PPP2R5E: variants seen among roughly 807,000 people sequenced by gnomAD.
PPP2R5E encodes the protein serine/threonine-protein phosphatase 2A 56 kDa regulatory subunit epsilon isoform.
Under a neutral mutation model 65.3 loss-of-function variants are expected in PPP2R5E, and 4 were observed. The ratio of observed to expected loss-of-function variants is 0.06; its 90% CI spans 0.03 to 0.14. The LOEUF (loss-of-function observed/expected upper bound fraction) is 0.14. Among genes scored for constraint, PPP2R5E ranks in the 10% least tolerant of loss-of-function variants. The probability of loss-of-function intolerance (pLI) is 1.00; values close to 1 mark genes in which losing one functional copy is unlikely to be tolerated. For missense variants in PPP2R5E, 274 were observed against 556.1 expected (o/e 0.49, Z 5.10); for synonymous variants, 183 against 187.4 (o/e 0.98, Z 0.19).
chr14:63,401,721 A>G lies in PPP2R5E; in HGVS notation c.550-5005T>C, dbSNP rs568294926. Among the ~76,000 whole-genome samples the G allele has an allele frequency of 2.0e-5, 3 of 152,278 alleles. No homozygotes were observed. The South Asian group carries it at 6.2e-4, about 32-fold the overall frequency. ...AGCCTTGGCATAGACAGGACTGGAG[A>G]GAAAATTTAGACTTATTTGTAGACT... On this transcript the variant is annotated intron_variant, in intron 5 of 13. Coordinates refer to ENST00000337537, the MANE Select transcript of PPP2R5E (RefSeq NM_006246.5).
At chr14:63,533,115 G>T (rs553818264) in intron 2 of PPP2R5E, among the ~76,000 whole-genome samples, 28 of 152,232 alleles carry the variant, frequency 1.8e-4, no homozygotes, top group African/African-American at 6.7e-4. Flanking sequence ...GATTAAAGGT[G>T]TGAGTTATTT....
At chr14:63,399,051 A>C (rs138402727) in intron 5 of PPP2R5E, among the ~76,000 whole-genome samples, 1,907 of 152,358 alleles carry the variant, frequency 0.013, 19 homozygotes, top group Middle Eastern at 0.02. Flanking sequence ...ACATGTCCAC[A>C]CAAAAACTTG....
At chr14:63,494,824 G>C (rs1410142597) in intron 2 of PPP2R5E, among the ~76,000 whole-genome samples, 1 of 151,942 alleles carries the variant, frequency 6.6e-6, no homozygotes, top group African/African-American at 2.4e-5. Flanking sequence ...TTGAGCCCAG[G>C]GGGCGGAGGC....
intron 3 of PPP2R5E, among the ~76,000 whole-genome samples, chr14:63,430,389 A>ACATGCATG (rs1427187078): frequency 0.013 from 1,897 of 142,528 alleles, 47 homozygotes; most frequent in African/African-American, 0.052. Context: ...ATACATACAT[A>ACATGCATG]CATACATACA....
intron 2 of PPP2R5E, among the ~76,000 whole-genome samples, chr14:63,454,829 A>G (rs1045580237): frequency 1.3e-5 from 2 of 152,204 alleles, no homozygotes; most frequent in Admixed American, 1.3e-4. Context: ...GGTAGGCTCT[A>G]CTGCCTTCAT....
chr14:63,413,498 C>A (rs1271590551), intron 5 of PPP2R5E, among the ~76,000 whole-genome samples: 1 of 152,140 alleles, frequency 6.6e-6, no homozygotes, highest in Non-Finnish European at 1.5e-5. Flanking sequence ...TGTGCTTGAG[C>A]AAACTTGATA....
chr14:63,416,979 C>T (rs185393430), intron 4 of PPP2R5E, among the ~76,000 whole-genome samples: 129 of 152,270 alleles, frequency 8.5e-4, no homozygotes, highest in South Asian at 3.1e-3. Context: ...TTCTTTGATG[C>T]TACACTAAAT....
At position 63,514,477 on chromosome 14, in the gene PPP2R5E, C is replaced by T. The variant is rs147792126; in HGVS notation, c.157+25052G>A. 5.9e-3 allele frequency among the ~76,000 whole-genome samples: 868 copies of T among 147,256 alleles called. 6 individuals carry two copies. Among genetic ancestry groups the T allele is most frequent in the Non-Finnish European group, 7.1e-3 (478 of 67,066 alleles). On this transcript the variant is annotated intron_variant, in intron 2 of 13. Transcript: ENST00000337537. Reference sequence around the variant, plus strand: ...CTTTAAAACTATGTTTATTATACTACATTACACAAAAACTCTCTTCATTAA... The same window carrying T: ...CTTTAAAACTATGTTTATTATACTATATTACACAAAAACTCTCTTCATTAA...
At position 63,397,458 on chromosome 14, in the gene PPP2R5E, C is replaced by T. The variant is rs528110886; in HGVS notation, c.550-742G>A. Among the ~76,000 whole-genome samples the T allele has an allele frequency of 7.4e-4, 104 of 140,858 alleles. 1 individual carries two copies. Among genetic ancestry groups the T allele is most frequent in the Middle Eastern group, 3.9e-3 (1 of 256 alleles). 92.4% of individuals were successfully genotyped at this position (140,858 alleles called of 152,430 possible). A position where few individuals can be genotyped will look rare whatever the true frequency, so the allele number is the denominator to read the frequency against. ...CAGAGGTTACAGTGAGCTGCGATCG[C>T]GCCATTGCACTCCAGCCTGGGCCAT... On this transcript the variant is annotated intron_variant, in intron 5 of 13. Transcript: ENST00000337537.
At chr14:63,399,805 T>A (rs902586011) in intron 5 of PPP2R5E, among the ~76,000 whole-genome samples, 2 of 151,916 alleles carry the variant, frequency 1.3e-5, no homozygotes, top group Non-Finnish European at 2.9e-5. Context: ...CAGCAAAACA[T>A]TTCAAGAGCA....
chr14:63,430,840 C>T (rs1029736443), intron 3 of PPP2R5E, among the ~76,000 whole-genome samples: 29 of 152,206 alleles, frequency 1.9e-4, no homozygotes, highest in African/African-American at 6.5e-4. Flanking sequence ...TTAATTACCA[C>T]AATAAATCTA....
chr14:63,491,631 T>A lies in PPP2R5E; in HGVS notation c.158-37746A>T, dbSNP rs535056853. Among the ~76,000 whole-genome samples, 3 of 152,218 alleles carry A rather than the reference T, an allele frequency of 2.0e-5. No individual in the cohort carries two copies. In the South Asian group the frequency reaches 6.2e-4, roughly 32 times the overall value. Reference sequence around the variant, plus strand: ...GGGAGGCCAAGGTGGGCAGATCACCTGAGGTCAGGAGATCGACACCAGCCT... The same window carrying A: ...GGGAGGCCAAGGTGGGCAGATCACCAGAGGTCAGGAGATCGACACCAGCCT... On this transcript the variant is annotated intron_variant, in intron 2 of 13. Transcript: ENST00000337537.
chr14:63,433,273 G>C (rs1258181974), intron 3 of PPP2R5E, among the ~76,000 whole-genome samples: 1 of 151,950 alleles, frequency 6.6e-6, no homozygotes, highest in African/African-American at 2.4e-5. Flanking sequence ...CCTGAGCACA[G>C]GCAATCCACC....
At chr14:63,516,689 A>G (rs1163739972) in intron 2 of PPP2R5E, among the ~76,000 whole-genome samples, 1 of 152,202 alleles carries the variant, frequency 6.6e-6, no homozygotes, top group Non-Finnish European at 1.5e-5. Flanking sequence ...AGATCATCAC[A>G]CACATCCAAT....
intron 3 of PPP2R5E, among the ~76,000 whole-genome samples, chr14:63,424,539 T>C (rs1420346605): frequency 6.6e-6 from 1 of 151,882 alleles, no homozygotes; most frequent in Non-Finnish European, 1.5e-5. Context: ...ATCACGAGGT[T>C]AGGAGATTGA....
intron 2 of PPP2R5E, among the ~76,000 whole-genome samples, chr14:63,461,071 T>C (rs973689586): frequency 6.6e-6 from 1 of 152,202 alleles, no homozygotes; most frequent in African/African-American, 2.4e-5. Flanking sequence ...ATTAGAGGTT[T>C]AATTATTTTC....
intron 5 of PPP2R5E, among the ~76,000 whole-genome samples, chr14:63,414,813 A>C (rs1886609048): frequency 6.6e-6 from 1 of 152,200 alleles, no homozygotes; most frequent in South Asian, 2.1e-4. Flanking sequence ...ACGCAAATGT[A>C]AGTCTTTAAG....
intron 5 of PPP2R5E, among the ~76,000 whole-genome samples, chr14:63,405,094 G>A (rs1885988319): frequency 6.6e-6 from 1 of 152,226 alleles, no homozygotes; most frequent in African/African-American, 2.4e-5. Flanking sequence ...TCTGAATGCA[G>A]GAGTCAGAGC....
chr14:63,454,872 T>G lies in PPP2R5E; in HGVS notation c.158-987A>C, dbSNP rs3783742. Reference sequence around the variant, plus strand: ...GATTAGCTCATTAATCCTCAGAACATCCTTAGAAAGAAGCAGGTGGCATTA... The same window carrying G: ...GATTAGCTCATTAATCCTCAGAACAGCCTTAGAAAGAAGCAGGTGGCATTA... On this transcript the variant is annotated intron_variant, in intron 2 of 13. Transcript: ENST00000337537. 8.1e-3 allele frequency among the ~76,000 whole-genome samples: 1,229 copies of G among 152,218 alleles called. 44 individuals carry two copies. The East Asian group carries it at 0.11, about 14-fold the overall frequency.
Sources: gnomAD v4.1 joint callset for allele counts (sites outside exome capture counted in the v4.1 genomes callset) on GRCh38, gnomAD v4.1.1 for gene constraint, MANE v1.5 for transcripts, NCBI Gene and HGNC (gene_info 2026-07-23, HGNC 2026-07-21) for gene names.